The following TRANK1 variants were observed in gnomAD, a reference collection of about 807,000 sequenced individuals.
TRANK1 encodes TPR and ankyrin repeat-containing protein 1.
A neutral mutation model predicts 266.0 loss-of-function variants in TRANK1; 198 were observed. The ratio of observed to expected loss-of-function variants is 0.74; its 90% CI spans 0.66 to 0.84. The LOEUF is 0.84. Among genes scored for constraint, TRANK1 ranks in the 40% least tolerant of loss-of-function variants. The probability of loss-of-function intolerance (pLI) is 0.00; values close to 1 mark genes in which losing one functional copy is unlikely to be tolerated. For missense variants in TRANK1, 3,326 were observed against 3,634.6 expected, an observed-to-expected ratio of 0.92 and a Z score of 2.18; for synonymous variants, 1,396 against 1,384.1, an observed-to-expected ratio of 1.01 and a Z score of -0.19.
chr3:36,833,952 C>T (rs757652301), intron 21 of TRANK1, 33 bp from the exon 22 acceptor site: 3 of 1,554,210 alleles, frequency 1.9e-6, no homozygotes, highest in Admixed American at 1.9e-5. Flanking sequence ...TGTCAACTTG[C>T]CATCACCCAA....
At chr3:36,853,966 A>G (rs1245653186) in intron 13 of TRANK1, among the ~76,000 whole-genome samples, 1 of 152,242 alleles carries the variant, frequency 6.6e-6, no homozygotes, top group Non-Finnish European at 1.5e-5. Flanking sequence ...CAATTTGTGA[A>G]TACATTAAAA....
At chr3:36,915,038 G>A (rs9818112) in intron 1 of TRANK1, among the ~76,000 whole-genome samples, 6,022 of 152,114 alleles carry the variant, frequency 0.04, 174 homozygotes, top group African/African-American at 0.08. Flanking sequence ...TGCAAGCTCC[G>A]CCTCCCGGGT....
intron 1 of TRANK1, among the ~76,000 whole-genome samples, chr3:36,917,624 G>A (rs1184069433): frequency 2.6e-5 from 4 of 152,136 alleles, no homozygotes; most frequent in African/African-American, 7.2e-5. Context: ...AGAGAGAGGC[G>A]AGTTTAAGAT....
At chr3:36,879,771 A>T (rs1199065112) in intron 8 of TRANK1, among the ~76,000 whole-genome samples, 1 of 92,066 alleles carries the variant, frequency 1.1e-5, no homozygotes, top group Non-Finnish European at 2.0e-5. Flanking sequence ...AATATATATA[A>T]ATATATATAA....
At chr3:36,861,303 C>A in intron 10 of TRANK1, 143 bp from the exon 11 acceptor site, 1 of 1,013,210 alleles carries the variant, frequency 9.9e-7, no homozygotes, top group Non-Finnish European at 1.4e-6. Flanking sequence ...TGCTTAACCA[C>A]TCATGAACAT....
rs910206977 is a variant in TRANK1 at position 36,898,743 on chromosome 3, C to T, written c.433+366G>A. Among the ~76,000 whole-genome samples the T allele has an allele frequency of 2.6e-5, 4 of 151,126 alleles. 1 individual carries two copies. The highest frequency in any genetic ancestry group is 4.9e-5 in the African/African-American group (2 of 41,080). ...GCGTGTGCCTGTAATCCCAGCCGCTCGGGAGGCTGAGGCAGGAGGATCACT... is the reference window on the plus strand; with the variant it reads ...GCGTGTGCCTGTAATCCCAGCCGCTTGGGAGGCTGAGGCAGGAGGATCACT... On this transcript the variant is annotated intron_variant, in intron 4 of 23. Coordinates refer to ENST00000645898, the MANE Select transcript of TRANK1 (RefSeq NM_001329998.2).
In TRANK1 at chr3:36,855,812, C is replaced by A; in HGVS notation, c.3910G>T (p.Glu1304Ter). Residue 1304 changes from glutamate (E) to a stop codon, truncating the protein, a stop_gained, in exon 13 of 24, where the codon GAG (glutamate) becomes TAG (stop). Transcript: ENST00000645898. LOFTEE classifies it high-confidence loss of function. ...GTACGCATTTCTACAGCTTTATCCT[C>A]CTCACTGTAGTCCCCATCCACCTCA... is the stretch of plus-strand genomic sequence containing the variant. ...EAEVDGDYSE[E>*]DKAVEMRTGD... 2 of 1,613,800 alleles carry A rather than the reference C, an allele frequency of 1.2e-6. No individual in the cohort carries two copies. The highest frequency in any genetic ancestry group is 1.7e-6 in the Non-Finnish European group (2 of 1,179,838).
chr3:36,838,560 T>A, intron 19 of TRANK1, 53 bp downstream of exon 19: 1 of 1,613,980 alleles, frequency 6.2e-7, no homozygotes, highest in Non-Finnish European at 8.5e-7. Context: ...TACACCAATA[T>A]TTAACCTGCT....
chr3:36,916,161 A>T (rs969901443), intron 1 of TRANK1, among the ~76,000 whole-genome samples: 2 of 152,220 alleles, frequency 1.3e-5, no homozygotes, highest in African/African-American at 4.8e-5. Context: ...TGAAGAACTG[A>T]ATTTCAAATC....
chr3:36,879,884 G>GTAAACATACAAATATATA (rs1559449195), intron 8 of TRANK1, among the ~76,000 whole-genome samples: 8 of 79,534 alleles, frequency 1.0e-4, no homozygotes, highest in Non-Finnish European at 1.3e-4. Context: ...ACAAATATAT[G>GTAAACATACAAATATATA]TAAACATGCA....
Position 36,832,665 on chromosome 3 carries a change from A to G in TRANK1, c.6918T>C (p.Ala2306=). 6.2e-7 allele frequency: 1 copy of G among 1,613,986 alleles called. No individual in the cohort carries two copies. Among genetic ancestry groups the G allele is most frequent in the Non-Finnish European group, 8.5e-7 (1 of 1,179,900 alleles). ...ACAGAAAGTGGATGTACTCCTTCAA[A>G]GCAAATCTGTAGAACCGGAAGGATT... ...NYKSFRFYRF[A]LKEYIHFLFE... Residue 2306 remains alanine, a synonymous_variant, in exon 22 of 24, where the codon GCT becomes GCC. Coordinates refer to ENST00000645898, the MANE Select transcript of TRANK1 (RefSeq NM_001329998.2).
chr3:36,924,855 G>A (rs2080266189), intron 1 of TRANK1, among the ~76,000 whole-genome samples: 1 of 152,210 alleles, frequency 6.6e-6, no homozygotes, highest in African/African-American at 2.4e-5. Context: ...AGAGCCAAAG[G>A]AGCCCCCCCG....
Position 36,860,949 on chromosome 3 carries a change from G to A in TRANK1, c.1452C>T (p.Asp484=). The part of the protein sequence containing the change: ...CTIIPHLSTW[D]QRKKQLLGCL... ...AGCCCAGAAGCTGTTTCTTCCGCTG[G>A]TCCCAGGTGCTGAGATGGGGGATGA... The change falls in exon 11 of 24, where the codon GAC becomes GAT. Residue 484 remains aspartate (D), a synonymous_variant. Transcript: ENST00000645898. 5 of 1,537,576 alleles carry A rather than the reference G, an allele frequency of 3.3e-6. No homozygotes were observed. The highest frequency in any genetic ancestry group is 4.4e-6 in the Non-Finnish European group (5 of 1,146,986).
At chr3:36,883,205 C>T (rs1221038181) in intron 8 of TRANK1, among the ~76,000 whole-genome samples, 1 of 151,988 alleles carries the variant, frequency 6.6e-6, no homozygotes, top group East Asian at 1.9e-4. Context: ...TTTTGTGAGA[C>T]CAAGGCAGGC....
In TRANK1 at chr3:36,828,089, G is replaced by T. The variant is rs1441836022; in HGVS notation, c.*186C>A. 17 of 568,730 alleles carry T rather than the reference G, an allele frequency of 3.0e-5. No homozygotes were observed. The Admixed American group carries it at 5.1e-4, about 17-fold the overall frequency. The allele number at this position is 568,730 out of a possible 1,614,324, so 35.2% of individuals were successfully genotyped here. On this transcript the variant is annotated 3_prime_UTR_variant, in exon 24 of 24. Coordinates refer to ENST00000645898, the MANE Select transcript of TRANK1 (RefSeq NM_001329998.2). ...GACTCTACTTGGAAACACTTTAGAG[G>T]TGAGGGAGCAATCAGATCCTAAGCC...
intron 1 of TRANK1, among the ~76,000 whole-genome samples, chr3:36,927,190 G>A (rs1364064532): frequency 1.3e-5 from 2 of 152,108 alleles, no homozygotes; most frequent in Middle Eastern, 3.2e-3. Flanking sequence ...CCTCCTGACC[G>A]ACTAACAATC....
At position 36,857,664 on chromosome 3, in the gene TRANK1, C is replaced by T; in HGVS notation, c.2058G>A (p.Lys686=). 1 of 1,614,014 alleles carries T rather than the reference C, an allele frequency of 6.2e-7. No homozygotes were observed. The highest frequency in any genetic ancestry group is 1.1e-5 in the South Asian group (1 of 91,082). ...TSQLKSQGSF[K]SVPCGATART... ...TGGCAGTGGCACCACATGGCACTGACTTGAATGAACCCTGGGACTTGAGCT... is the reference window on the plus strand; with the variant it reads ...TGGCAGTGGCACCACATGGCACTGATTTGAATGAACCCTGGGACTTGAGCT... The change falls in exon 13 of 24, where the codon AAG becomes AAA. Residue 686 remains lysine (K), a synonymous_variant. Transcript: ENST00000645898. This position sits in a 1 kb window ranked among gnomAD's most constrained non-coding sequence, Gnocchi z 4.3.
intron 21 of TRANK1, 140 bp downstream of exon 21, chr3:36,834,622 T>G: frequency 2.2e-6 from 2 of 922,856 alleles, no homozygotes; most frequent in Non-Finnish European, 3.2e-6. Flanking sequence ...GACCCAGCAC[T>G]GAGGCCATCG....
chr3:36,855,609 T>C lies in TRANK1; in HGVS notation c.4113A>G (p.Glu1371=), dbSNP rs750549627. The change falls in exon 13 of 24, where the codon GAA becomes GAG. Residue 1371 remains glutamate, a synonymous_variant. Coordinates refer to ENST00000645898, the MANE Select transcript of TRANK1 (RefSeq NM_001329998.2). ...GTTTCCTCCCTAATTTCTTATATAC[T>C]TCTTCAGTGAGTCTCCCATGGGGAC... ...LSCPHGRLTE[E]VYKKLGRKRC... 1 of 1,613,928 alleles carries C rather than the reference T, an allele frequency of 6.2e-7. No homozygotes were observed. Among genetic ancestry groups the C allele is most frequent in the South Asian group, 1.1e-5 (1 of 91,084 alleles).
Sources: gnomAD v4.1 joint callset for allele counts (sites outside exome capture counted in the v4.1 genomes callset) on GRCh38, gnomAD v4.1.1 for gene constraint, Gnocchi (gnomAD v3.1) non-coding constraint, MANE v1.5 for transcripts, NCBI Gene and HGNC (gene_info 2026-07-23, HGNC 2026-07-21) for gene names.